Variants in TYW1B observed in about 807,000 individuals in gnomAD.
The protein encoded by TYW1B is S-adenosyl-L-methionine-dependent tRNA 4-demethylwyosine synthase TYW1B.
In TYW1B, 73 loss-of-function variants were observed where a neutral mutation model predicts 86.9. The observed-to-expected ratio is 0.84, with a 90% CI of 0.70 to 1.02. TYW1B has a LOEUF of 1.02. Among genes scored for constraint, TYW1B ranks in the 50% least tolerant of loss-of-function variants. TYW1B has a pLI of 0.00. For synonymous variants in TYW1B, 248 were observed against 292.8 expected (o/e 0.85, Z 1.56); for missense variants, 637 against 827.4 (o/e 0.77, Z 2.82).
At chr7:72,589,779 G>A (rs1811354429) in intron 13 of TYW1B, among the ~76,000 whole-genome samples, 1 of 152,206 alleles carries the variant, frequency 6.6e-6, no homozygotes, top group African/African-American at 2.4e-5. Context: ...GGGAGGCTGA[G>A]GCAGGAGAAT....
At chr7:72,708,364 T>C (rs1442220354) in intron 10 of TYW1B, among the ~76,000 whole-genome samples, 1 of 152,174 alleles carries the variant, frequency 6.6e-6, no homozygotes, top group Non-Finnish European at 1.5e-5. Context: ...GAGAACATTA[T>C]TACTTCCTAG....
rs1787248991 is a variant in TYW1B at position 72,738,899 on chromosome 7, T to C, written c.1082+5585A>G. ...CAGCTTGAGAAACATAGCGAGACCC[T>C]GTCTCTATCAAAAAAAAAAAAAAAT... On this transcript the variant is annotated intron_variant, in intron 8 of 13. Coordinates refer to ENST00000620995, the MANE Select transcript of TYW1B (RefSeq NM_001145440.3). Among the ~76,000 whole-genome samples the C allele has an allele frequency of 2.0e-5, 3 of 151,770 alleles. No individual in the cohort carries two copies. In the South Asian group the frequency reaches 6.3e-4, roughly 32 times the overall value.
rs1788784596 is a variant in TYW1B, at chr7:72,819,313, C to T, written c.136-3832G>A. The stretch of plus-strand genomic sequence containing the variant: ...ACATGATTTCACCTAACTTTTCAAA[C>T]AGTCACTGAGGTTGCTGAGTTGAGA... On this transcript the variant is annotated intron_variant, in intron 2 of 13. Coordinates refer to ENST00000620995, the MANE Select transcript of TYW1B (RefSeq NM_001145440.3). Among the ~76,000 whole-genome samples, 6 of 152,294 alleles carry T rather than the reference C, an allele frequency of 3.9e-5. 1 individual carries two copies. The South Asian group carries it at 8.3e-4, about 21-fold the overall frequency.
chr7:72,607,071 A>G (rs1554434993), intron 13 of TYW1B, among the ~76,000 whole-genome samples: 5 of 152,136 alleles, frequency 3.3e-5, no homozygotes, highest in Admixed American at 6.6e-5. Flanking sequence ...GCCATCACAA[A>G]TGTGCTTCAA....
intron 11 of TYW1B, among the ~76,000 whole-genome samples, chr7:72,664,731 T>C (rs1287560610): frequency 2.6e-5 from 4 of 152,138 alleles, no homozygotes; most frequent in African/African-American, 9.6e-5. Flanking sequence ...CCAATGTGCA[T>C]ATATACCTTT....
At chr7:72,817,156 C>G (rs1788739802) in intron 2 of TYW1B, among the ~76,000 whole-genome samples, 1 of 152,160 alleles carries the variant, frequency 6.6e-6, no homozygotes, top group Admixed American at 6.6e-5. Context: ...GTAATCCCAA[C>G]ACTTTGGGAA....
At chr7:72,617,089 C>T (rs1465350615) in intron 12 of TYW1B, among the ~76,000 whole-genome samples, 12 of 152,294 alleles carry the variant, frequency 7.9e-5, no homozygotes, top group African/African-American at 1.9e-4. Context: ...CGCTTTCTAC[C>T]GTTGTCACAA....
At chr7:72,819,991 C>T (rs1190165125) in intron 2 of TYW1B, among the ~76,000 whole-genome samples, 1 of 151,986 alleles carries the variant, frequency 6.6e-6, no homozygotes, top group African/African-American at 2.4e-5. Flanking sequence ...AAAGAAATTT[C>T]AAGCAGGGCA....
chr7:72,803,241 T>G (rs1233549961), intron 5 of TYW1B, among the ~76,000 whole-genome samples: 1 of 151,990 alleles, frequency 6.6e-6, no homozygotes, highest in Non-Finnish European at 1.5e-5. Flanking sequence ...GAAATAAATC[T>G]TAAGTCTTTA....
intron 4 of TYW1B, among the ~76,000 whole-genome samples, chr7:72,809,998 C>A (rs1788574158): frequency 1.6e-5 from 2 of 123,046 alleles, no homozygotes; most frequent in Admixed American, 8.4e-5. Flanking sequence ...GACTCTGTTT[C>A]CAAAAAAAAA....
rs1180492475 is a variant in TYW1B at position 72,611,154 on chromosome 7, C to T, written c.1785+5518G>A. Among the ~76,000 whole-genome samples the T allele has an allele frequency of 7.9e-5, 12 of 152,194 alleles. No homozygotes were observed. The South Asian group carries it at 1.7e-3, about 21-fold the overall frequency. On this transcript the variant is annotated intron_variant, in intron 13 of 13. Coordinates refer to ENST00000620995, the MANE Select transcript of TYW1B (RefSeq NM_001145440.3). ...CATCATTTAAGATCCAGTTAAATGG[C>T]GCCTCCTCTGTGAAGCCTCTCCTGA... is the stretch of plus-strand genomic sequence containing the variant.
chr7:72,655,761 G>A (rs1813186925), intron 11 of TYW1B, among the ~76,000 whole-genome samples: 1 of 152,156 alleles, frequency 6.6e-6, no homozygotes, highest in African/African-American at 2.4e-5. Flanking sequence ...ACCTTCAGGT[G>A]CCCTGAAAAC....
At chr7:72,749,793 C>T in intron 7 of TYW1B, among the ~76,000 whole-genome samples, 1 of 150,284 alleles carries the variant, frequency 6.7e-6, no homozygotes, top group African/African-American at 2.4e-5. Context: ...GATTTGAGAC[C>T]TTTCCTCATT....
intron 6 of TYW1B, among the ~76,000 whole-genome samples, chr7:72,779,021 A>G (rs1368354501): frequency 4.6e-5 from 7 of 152,094 alleles, no homozygotes; most frequent in African/African-American, 1.7e-4. Context: ...TTTCAGAGAC[A>G]ACACACGAGA....
At chr7:72,649,788 T>G (rs763041463) in intron 11 of TYW1B, among the ~76,000 whole-genome samples, 1 of 152,192 alleles carries the variant, frequency 6.6e-6, no homozygotes, top group Non-Finnish European at 1.5e-5. Flanking sequence ...AAATATTACT[T>G]GTACCAATCT....
At chr7:72,761,660 G>A (rs1490512534) in intron 7 of TYW1B, among the ~76,000 whole-genome samples, 1 of 151,652 alleles carries the variant, frequency 6.6e-6, no homozygotes, top group African/African-American at 2.4e-5. Flanking sequence ...TAACGTAGAG[G>A]TTATTTAAAG....
chr7:72,810,751 A>T, intron 3 of TYW1B, 86 bp from the exon 4 acceptor site: 1 of 1,484,496 alleles, frequency 6.7e-7, no homozygotes, highest in East Asian at 2.4e-5. Flanking sequence ...AAGCATACTC[A>T]TCTCAAAGAA....
chr7:72,824,382 T>C (rs1182287290), intron 2 of TYW1B, among the ~76,000 whole-genome samples: 1 of 152,126 alleles, frequency 6.6e-6, no homozygotes, highest in Admixed American at 6.6e-5. Context: ...GGTGAATATC[T>C]TGAAGCCAGG....
intron 13 of TYW1B, among the ~76,000 whole-genome samples, chr7:72,594,623 T>G (rs1811482961): frequency 6.6e-6 from 1 of 152,182 alleles, no homozygotes; most frequent in South Asian, 2.1e-4. Flanking sequence ...TCCAAAACAC[T>G]GAAGAGGAGG....
Sources: allele counts gnomAD v4.1 joint callset (sites outside exome capture counted in the v4.1 genomes callset), GRCh38; gene constraint gnomAD v4.1.1; transcripts MANE v1.5; gene names NCBI Gene and HGNC (gene_info 2026-07-23, HGNC 2026-07-21).